The following MS4A14 variants were observed in gnomAD, a reference collection of about 807,000 sequenced individuals.
MS4A14 encodes the protein membrane-spanning 4-domains subfamily A member 14.
In MS4A14, 18 loss-of-function variants were observed where a neutral mutation model predicts 16.7. The ratio of observed to expected loss-of-function variants is 1.08; its 90% CI spans 0.75 to 1.60. The LOEUF (loss-of-function observed/expected upper bound fraction) is 1.60, where lower values mean the gene tolerates loss of function less well. Among genes scored for constraint, MS4A14 ranks in the 40% most tolerant of loss-of-function variants. The pLI is 0.00. For synonymous variants in MS4A14, 305 were observed against 289.4 expected, an observed-to-expected ratio of 1.05 and a Z score of -0.55; for missense variants, 812 against 775.3, an observed-to-expected ratio of 1.05 and a Z score of -0.56.
intron 4 of MS4A14, among the ~76,000 whole-genome samples, chr11:60,403,694 A>T (rs549667518): frequency 7.2e-4 from 109 of 152,324 alleles, no homozygotes; most frequent in African/African-American, 2.5e-3. Flanking sequence ...AATCAGTGAC[A>T]TTATTTTTAA....
chr11:60,406,497 C>T (rs1054078109), intron 4 of MS4A14, among the ~76,000 whole-genome samples: 1 of 152,176 alleles, frequency 6.6e-6, no homozygotes, highest in Non-Finnish European at 1.5e-5. Flanking sequence ...ACTATTATAA[C>T]ATCTTTATTT....
At chr11:60,413,803 G>T (rs2085900364) in intron 4 of MS4A14, among the ~76,000 whole-genome samples, 1 of 152,088 alleles carries the variant, frequency 6.6e-6, no homozygotes, top group African/African-American at 2.4e-5. Context: ...CTCTGTGCCA[G>T]TTTCTGTGCT....
chr11:60,407,164 G>A (rs140692099), intron 4 of MS4A14, among the ~76,000 whole-genome samples: 19 of 151,668 alleles, frequency 1.3e-4, no homozygotes, highest in East Asian at 7.7e-4. Context: ...GCAAGCATGC[G>A]CCACCACCCC....
rs536240650 is a variant in MS4A14, at chr11:60,416,481, G to C, written c.1513G>C (p.Val505Leu). Residue 505 changes from valine (V) to leucine (L), a missense_variant, in exon 5 of 5, where the codon GTG becomes CTG. Physicochemically the swap from Val to Leu is conservative, Grantham distance 32. Transcript: ENST00000300187. The part of the protein sequence containing the change: ...LQYLRRHSLD[V>L]QAKGQKSSKR... ...ATACTTAAGGAGACATTCTTTAGAC[G>C]TGCAAGCCAAAGGCCAGAAATCCTC... 2 of 1,613,770 alleles carry C rather than the reference G, an allele frequency of 1.2e-6. No individual in the cohort carries two copies. Among genetic ancestry groups the C allele is most frequent in the East Asian group, 2.2e-5 (1 of 44,890 alleles).
rs375897716 is a variant in MS4A14 at position 60,416,703 on chromosome 11, G to A, written c.1735G>A (p.Gly579Arg). 8.1e-6 allele frequency: 13 copies of A among 1,613,584 alleles called. No homozygotes were observed. In the African/African-American group the frequency reaches 1.6e-4, roughly 20 times the overall value. Residue 579 changes from glycine (G) to arginine (R), a missense_variant, in exon 5 of 5, where the codon GGA becomes AGA. Transcript: ENST00000300187. ...AGCCAAAGGGGAACAATACCCAGAA[G>A]GACAATCTAAAGATGGACAAGTTAA... ...QQAKGEQYPE[G>R]QSKDGQVKDQ...
chr11:60,398,079 C>A (rs2085656576), intron 2 of MS4A14, 99 bp downstream of exon 2: 2 of 1,346,788 alleles, frequency 1.5e-6, no homozygotes, highest in African/African-American at 1.5e-5. Flanking sequence ...TATGGCCCTC[C>A]AGGAGACCAA....
Position 60,415,600 on chromosome 11 carries a change from C to G in MS4A14, c.632C>G (p.Thr211Arg), listed in dbSNP as rs142269991. 4,079 of 1,613,780 alleles carry G rather than the reference C, an allele frequency of 2.5e-3. 54 individuals are homozygous for G. The highest frequency in any genetic ancestry group is 0.024 in the African/African-American group (1,812 of 74,996). ...IFGGYAFFKL[T>R]LSRSPLVSQP... ...GGAGGCTATGCTTTCTTCAAGTTAA[C>G]ACTCTCTAGGAGTCCTTTAGTCTCC... Residue 211 changes from threonine (T) to arginine (R), a missense_variant, in exon 5 of 5, where the codon ACA becomes AGA. Physicochemically the swap from Thr to Arg is moderately conservative, Grantham distance 71. Transcript: ENST00000300187.
chr11:60,405,821 C>A, intron 4 of MS4A14: 2 of 1,209,632 alleles, frequency 1.7e-6, no homozygotes, highest in Non-Finnish European at 2.3e-6. Flanking sequence ...GTAAGGGGTT[C>A]TCAGCTTATA....
At chr11:60,412,794 C>A (rs1437888445) in intron 4 of MS4A14, among the ~76,000 whole-genome samples, 2 of 151,864 alleles carry the variant, frequency 1.3e-5, no homozygotes, top group Non-Finnish European at 2.9e-5. Flanking sequence ...AATCTTCCAA[C>A]TTTGTTATTT....
chr11:60,409,134 A>G (rs904163074), intron 4 of MS4A14, among the ~76,000 whole-genome samples: 9 of 152,274 alleles, frequency 5.9e-5, no homozygotes, highest in Middle Eastern at 3.4e-3. Flanking sequence ...TTTAAACATC[A>G]TTTCTTTGTA....
intron 4 of MS4A14, among the ~76,000 whole-genome samples, chr11:60,411,444 A>T (rs1211137617): frequency 6.6e-6 from 1 of 152,218 alleles, no homozygotes; most frequent in African/African-American, 2.4e-5. Flanking sequence ...TACATTCAGC[A>T]ATGATTTATA....
At chr11:60,404,966 C>A (rs2085765964) in intron 4 of MS4A14, among the ~76,000 whole-genome samples, 1 of 152,168 alleles carries the variant, frequency 6.6e-6, no homozygotes, top group African/African-American at 2.4e-5. Context: ...GGTCTTCATA[C>A]ATTTCAGTTT....
rs2085627721 is a variant in MS4A14, at chr11:60,396,709, T to A, written c.131T>A (p.Val44Asp). The A allele has an allele frequency of 1.2e-6, 2 of 1,613,514 alleles. No homozygotes were observed. Among genetic ancestry groups the A allele is most frequent in the Non-Finnish European group, 1.7e-6 (2 of 1,179,766 alleles). ...GATTTTCTGAAGGGAGAGCCAAGAG[T>A]CTTGGGGGTAAGTCCTCTCCAGTCA... Reference protein sequence around the residue: ...LLDFLKGEPRVLGATQILLAL... With the variant: ...LLDFLKGEPRDLGATQILLAL... Residue 44 changes from valine (V) to aspartate (D), a missense_variant, in exon 1 of 5, where the codon GTC becomes GAC. Transcript: ENST00000300187.
chr11:60,406,863 T>G (rs1173620957), intron 4 of MS4A14, among the ~76,000 whole-genome samples: 1 of 152,162 alleles, frequency 6.6e-6, no homozygotes, highest in Non-Finnish European at 1.5e-5. Flanking sequence ...ATTCATGGAA[T>G]CATAAGTAAG....
chr11:60,413,537 C>T (rs2085897382), intron 4 of MS4A14, among the ~76,000 whole-genome samples: 1 of 151,886 alleles, frequency 6.6e-6, no homozygotes, highest in African/African-American at 2.4e-5. Context: ...TCATCTCATG[C>T]TTTCATCTTT....
At chr11:60,398,843 A>G (rs2085668341) in intron 2 of MS4A14, among the ~76,000 whole-genome samples, 1 of 152,226 alleles carries the variant, frequency 6.6e-6, no homozygotes, top group Non-Finnish European at 1.5e-5. Flanking sequence ...AATATAAATA[A>G]TGTAATATTC....
At chr11:60,405,148 C>T (rs534596783) in intron 4 of MS4A14, among the ~76,000 whole-genome samples, 1 of 151,652 alleles carries the variant, frequency 6.6e-6, no homozygotes. Context: ...GGCACAATCT[C>T]GGCTCACCAC....
Position 60,416,862 on chromosome 11 carries a change from C to T in MS4A14, c.1894C>T (p.Gln632Ter), listed in dbSNP as rs368186934. 1.4e-5 allele frequency: 23 copies of T among 1,613,646 alleles called. No homozygotes were observed. The highest frequency in any genetic ancestry group is 1.8e-5 in the Non-Finnish European group (21 of 1,179,826). ...QNVQAEGQQA[Q>*]VEKVPKLLCQ... ...TGTTCAAGCCGAAGGACAGCAAGCTCAGGTGGAGAAAGTGCCAAAACTGTT... is the reference window on the plus strand; with the variant it reads ...TGTTCAAGCCGAAGGACAGCAAGCTTAGGTGGAGAAAGTGCCAAAACTGTT... Residue 632 changes from glutamine to a stop codon, truncating the protein, a stop_gained, in exon 5 of 5, where the codon CAG becomes TAG. Transcript: ENST00000300187. LOFTEE classifies it low-confidence loss of function (END_TRUNC).
Position 60,397,931 on chromosome 11 carries a change from G to T in MS4A14, c.218G>T (p.Arg73Ile). The T allele has an allele frequency of 6.2e-7, 1 of 1,613,652 alleles. No homozygotes were observed. Among genetic ancestry groups the T allele is most frequent in the East Asian group, 2.2e-5 (1 of 44,864 alleles). Residue 73 changes from arginine (R) to isoleucine (I), a missense_variant, in exon 2 of 5, where the codon AGA becomes ATA. By Grantham distance (97) the Arg-to-Ile change is moderately conservative. Coordinates refer to ENST00000300187, the MANE Select transcript of MS4A14 (RefSeq NM_032597.5). ...FALNYIGFSQ[R>I]LPLVVLTGYP... Reference sequence around the variant, plus strand: ...CTTAATTACATCGGTTTCTCCCAAAGACTTCCCCTTGTTGTCCTCACAGGA... The same window carrying T: ...CTTAATTACATCGGTTTCTCCCAAATACTTCCCCTTGTTGTCCTCACAGGA...
Sources: gnomAD v4.1 joint callset for allele counts (sites outside exome capture counted in the v4.1 genomes callset) on GRCh38, gnomAD v4.1.1 for gene constraint, MANE v1.5 for transcripts, NCBI Gene and HGNC (gene_info 2026-07-23, HGNC 2026-07-21) for gene names.